The following MIA3 variants were observed in gnomAD, a reference collection of about 807,000 sequenced individuals.
MIA3 encodes MIA SH3 domain ER export factor 3.
A neutral mutation model predicts 192.4 loss-of-function variants in MIA3; 90 were observed. That is an observed-to-expected ratio of 0.47 (90% CI 0.39 to 0.56). MIA3 has a LOEUF of 0.56. MIA3 is among the 20% of genes least tolerant of loss of function. The probability of loss-of-function intolerance (pLI) is 0.00; values close to 1 mark genes in which losing one functional copy is unlikely to be tolerated. For synonymous variants in MIA3, 740 were observed against 792.8 expected (o/e 0.93, Z 1.12); for missense variants, 2,123 against 2,269.4 (o/e 0.94, Z 1.31).
In MIA3 at chr1:222,660,182, C is replaced by A; in HGVS notation, c.4981C>A (p.Leu1661Met). 6.2e-7 allele frequency: 1 copy of A among 1,611,154 alleles called. No homozygotes were observed. Among genetic ancestry groups the A allele is most frequent in the Admixed American group, 1.7e-5 (1 of 59,128 alleles). The change falls in exon 24 of 28, where the codon CTG (leucine) becomes ATG (methionine). Residue 1661 changes from leucine (L) to methionine (M), a missense_variant. Transcript: ENST00000344922. Reference protein sequence around the residue: ...NTQNPPRRGPLSQNGSFGPSP... With the variant: ...NTQNPPRRGPMSQNGSFGPSP... The stretch of plus-strand genomic sequence containing the variant: ...CAAGATGCTGTCATCTTTAGGTCCT[C>A]TGAGCCAGAATGGCTCTTTTGGCCC...
intron 6 of MIA3, 112 bp from the exon 7 acceptor site, chr1:222,645,442 T>C: frequency 1.1e-6 from 1 of 877,746 alleles, no homozygotes; most frequent in Admixed American, 3.0e-5. Context: ...TTTGAGGGGA[T>C]AGGTATCTGA....
chr1:222,659,379 C>T (rs879370959), intron 19 of MIA3, 74 bp from the exon 20 acceptor site: 42 of 1,331,832 alleles, frequency 3.2e-5, no homozygotes, highest in East Asian at 1.4e-4. Context: ...GTTAGGGTAA[C>T]GGTTAACATA....
intron 3 of MIA3, among the ~76,000 whole-genome samples, chr1:222,626,658 G>GTACC (rs1662133970): frequency 1.3e-5 from 2 of 152,162 alleles, no homozygotes. Context: ...TTGGAGTTAG[G>GTACC]TACCTACCTT....
chr1:222,635,070 AC>A (rs1392171624), intron 6 of MIA3, among the ~76,000 whole-genome samples: 1 of 152,244 alleles, frequency 6.6e-6, no homozygotes, highest in Non-Finnish European at 1.5e-5. Context: ...CAGGAGAAAG[AC>A]CACCAGGATG....
At position 222,628,713 on chromosome 1, in the gene MIA3, C is replaced by T. The variant is rs765086208; in HGVS notation, c.1493C>T (p.Ser498Phe). The change falls in exon 4 of 28, where the codon TCT becomes TTT. Residue 498 changes from serine to phenylalanine, a missense_variant. Transcript: ENST00000344922. ...ENQEGMTVHS[S>F]VHSNNLNSMP... ...CAAGAAGGCATGACTGTGCACAGTT[C>T]TGTTCACAGCAATAACCTCAACTCT... 1.9e-6 allele frequency: 3 copies of T among 1,614,078 alleles called. No homozygotes were observed. The highest frequency in any genetic ancestry group is 2.2e-5 in the South Asian group (2 of 91,082).
At chr1:222,624,223 C>G (rs934962700) in intron 2 of MIA3, among the ~76,000 whole-genome samples, 9 of 152,120 alleles carry the variant, frequency 5.9e-5, no homozygotes, top group African/African-American at 1.9e-4. Context: ...AAAACATACA[C>G]AAATCTGTAT....
chr1:222,665,096 G>A, intron 27 of MIA3: 1 of 544,454 alleles, frequency 1.8e-6, no homozygotes, highest in Non-Finnish European at 3.3e-6. Context: ...CTACTGGGGA[G>A]TCTGAGGTGG....
rs752336837 is a variant in MIA3, at chr1:222,629,117, T to C, written c.1897T>C (p.Ser633Pro). The C allele has an allele frequency of 2.5e-6, 4 of 1,614,200 alleles. No individual in the cohort carries two copies. Among genetic ancestry groups the C allele is most frequent in the Non-Finnish European group, 3.4e-6 (4 of 1,180,040 alleles). ...VLKTQNQPRFSSPDEIDLPRE... is the reference protein window; with the variant it reads ...VLKTQNQPRFPSPDEIDLPRE... ...TAAAACTCAAAACCAACCTAGATTC[T>C]CCTCTCCAGATGAGATTGATTTGCC... The change falls in exon 4 of 28, where the codon TCC (serine) becomes CCC (proline). Residue 633 changes from serine to proline, a missense_variant. Coordinates refer to ENST00000344922, the MANE Select transcript of MIA3 (RefSeq NM_198551.4).
rs1402773720 is a variant in MIA3, at chr1:222,640,514, C to T, written c.3478-5040C>T. Among the ~76,000 whole-genome samples, 4 of 152,168 alleles carry T rather than the reference C, an allele frequency of 2.6e-5. No homozygotes were observed. The East Asian group carries it at 7.7e-4, about 29-fold the overall frequency. ...AAAGGTGGAAAGACAATTAAATGTA[C>T]AAAGGAAAGTCTTTTCAACAAATGG... On this transcript the variant is annotated intron_variant, in intron 6 of 27. Transcript: ENST00000344922.
At chr1:222,619,669 G>A (rs1037853156) in intron 1 of MIA3, among the ~76,000 whole-genome samples, 1 of 152,204 alleles carries the variant, frequency 6.6e-6, no homozygotes, top group African/African-American at 2.4e-5. Context: ...CCCTGCCTGG[G>A]TTCCTCAAAA....
intron 18 of MIA3, 184 bp from the exon 19 acceptor site, chr1:222,658,538 G>C (rs1663847381): frequency 2.2e-6 from 1 of 452,874 alleles, no homozygotes. Flanking sequence ...GAAAATGCAG[G>C]TGATGTATCA....
intron 18 of MIA3, among the ~76,000 whole-genome samples, chr1:222,655,362 C>T (rs17163363): frequency 0.57 from 86,565 of 151,966 alleles, 27,876 homozygotes; most frequent in Non-Finnish European, 0.72. Context: ...AAATTTCGAG[C>T]GAGGTACCTT....
chr1:222,622,403 C>T (rs569354016), intron 2 of MIA3, among the ~76,000 whole-genome samples: 1 of 152,084 alleles, frequency 6.6e-6, no homozygotes, highest in Admixed American at 6.5e-5. Context: ...TAGGATTGTC[C>T]CAACTTAGAG....
At chr1:222,644,305 C>A (rs1371256768) in intron 6 of MIA3, 9 of 1,428,650 alleles carry the variant, frequency 6.3e-6, no homozygotes, top group Non-Finnish European at 6.4e-6. Flanking sequence ...TGGCTGATGA[C>A]GTGTTTTATA....
At position 222,629,664 on chromosome 1, in the gene MIA3, C is replaced by T. The variant is rs1358644357; in HGVS notation, c.2444C>T (p.Pro815Leu). The change falls in exon 4 of 28, where the codon CCT (proline) becomes CTT (leucine). Residue 815 changes from proline (P) to leucine (L), a missense_variant. By Grantham distance (98) the Pro-to-Leu change is moderately conservative (BLOSUM62 -3). Coordinates refer to ENST00000344922, the MANE Select transcript of MIA3 (RefSeq NM_198551.4). Reference protein sequence around the residue: ...EPNTMVEKERPLADKKAQRPF... With the variant: ...EPNTMVEKERLLADKKAQRPF... ...AATACAATGGTGGAAAAAGAACGCC[C>T]TCTGGCAGATAAGAAAGCACAGAGA... 1.2e-6 allele frequency: 2 copies of T among 1,614,024 alleles called. No homozygotes were observed. The highest frequency in any genetic ancestry group is 1.3e-5 in the African/African-American group (1 of 74,912).
rs1262017853 is a variant in MIA3, at chr1:222,650,318, T to G, written c.3658T>G (p.Leu1220Val). 1 of 1,607,168 alleles carries G rather than the reference T, an allele frequency of 6.2e-7. No individual in the cohort carries two copies. The change falls in exon 9 of 28, where the codon TTG (leucine) becomes GTG (valine). Residue 1220 changes from leucine to valine, a missense_variant. Coordinates refer to ENST00000344922, the MANE Select transcript of MIA3 (RefSeq NM_198551.4). ...CACGGAACAGCAAATTTCTGAGAAG[T>G]TGAAGACTATCATGAAAGAAAATAC... ...QVTEQQISEK[L>V]KTIMKENTEL... is the part of the protein sequence containing the mutation.
rs1469095213 is a variant in MIA3, at chr1:222,628,162, T to C, written c.942T>C (p.Val314=). ...DEELDTEYYA[V]GKEDEENQED... ...AATTGGATACTGAGTATTATGCAGT[T>C]GGAAAGGAAGATGAGGAGAACCAAG... is the stretch of plus-strand genomic sequence containing the variant. The change falls in exon 4 of 28, where the codon GTT becomes GTC. Residue 314 remains valine (V), a synonymous_variant. Coordinates refer to ENST00000344922, the MANE Select transcript of MIA3 (RefSeq NM_198551.4). The C allele has an allele frequency of 3.1e-6, 5 of 1,613,834 alleles. No homozygotes were observed. The African/African-American group carries it at 6.7e-5, about 22-fold the overall frequency.
At chr1:222,646,847 G>GT (rs1663172366) in intron 7 of MIA3, among the ~76,000 whole-genome samples, 2 of 152,140 alleles carry the variant, frequency 1.3e-5, no homozygotes, top group Non-Finnish European at 1.5e-5. Flanking sequence ...TTAAATTATT[G>GT]TATGTTCATA....
chr1:222,644,190 C>T (rs934735581), intron 6 of MIA3: 14 of 828,094 alleles, frequency 1.7e-5, no homozygotes, highest in African/African-American at 1.2e-4. Flanking sequence ...TCCGCTCTAG[C>T]CCTATTCGCT....
Sources: gnomAD v4.1 joint callset for allele counts (sites outside exome capture counted in the v4.1 genomes callset) on GRCh38, gnomAD v4.1.1 for gene constraint, MANE v1.5 for transcripts, NCBI Gene and HGNC (gene_info 2026-07-23, HGNC 2026-07-21) for gene names.